SLC35F4: variants seen among roughly 807,000 people sequenced by gnomAD.
The protein encoded by SLC35F4 is solute carrier family 35 member F4.
A neutral mutation model predicts 44.2 loss-of-function variants in SLC35F4; 24 were observed. That is an observed-to-expected ratio of 0.54 (90% CI 0.39 to 0.76). The LOEUF (loss-of-function observed/expected upper bound fraction) is 0.76. Among genes scored for constraint, SLC35F4 ranks in the 30% least tolerant of loss-of-function variants. The pLI, the probability that SLC35F4 is intolerant of heterozygous loss-of-function variation, is 0.00. For missense variants in SLC35F4, 562 were observed against 586.1 expected, an observed-to-expected ratio of 0.96 and a Z score of 0.42; for synonymous variants, 238 against 223.6, an observed-to-expected ratio of 1.06 and a Z score of -0.57.
chr14:57,797,842 T>C (rs1018217296), intron 1 of SLC35F4, among the ~76,000 whole-genome samples: 2 of 152,106 alleles, frequency 1.3e-5, no homozygotes, highest in Non-Finnish European at 2.9e-5. Flanking sequence ...ATGGGGAAGG[T>C]ACTTCCCCAT....
chr14:57,911,109 A>G (rs1409461458), intron 1 of SLC35F4, among the ~76,000 whole-genome samples: 2 of 151,986 alleles, frequency 1.3e-5, no homozygotes, highest in African/African-American at 4.8e-5. Context: ...TAAATTTTGT[A>G]TGTTAACCTT....
At chr14:57,679,675 A>G (rs993992892) in intron 1 of SLC35F4, among the ~76,000 whole-genome samples, 5 of 152,106 alleles carry the variant, frequency 3.3e-5, no homozygotes, top group African/African-American at 7.3e-5. Context: ...GATGCAATAA[A>G]AAATGATAAA....
intron 1 of SLC35F4, among the ~76,000 whole-genome samples, chr14:57,632,677 A>G (rs2072840410): frequency 6.6e-6 from 1 of 152,074 alleles, no homozygotes; most frequent in African/African-American, 2.4e-5. Flanking sequence ...AGTTTACATT[A>G]GGGTTCACTC....
intron 1 of SLC35F4, among the ~76,000 whole-genome samples, chr14:57,695,096 G>A (rs2075343146): frequency 6.6e-6 from 1 of 152,072 alleles, no homozygotes; most frequent in Non-Finnish European, 1.5e-5. Context: ...ATACCATTCA[G>A]GACACAGGCA....
At chr14:57,757,764 C>T (rs1298898444) in intron 1 of SLC35F4, among the ~76,000 whole-genome samples, 1 of 152,066 alleles carries the variant, frequency 6.6e-6, no homozygotes, top group Non-Finnish European at 1.5e-5. Context: ...TAACAATTAT[C>T]TTTTAAAGAT....
intron 1 of SLC35F4, chr14:57,604,307 T>C (rs1423684152): frequency 6.6e-6 from 1 of 152,178 alleles, no homozygotes; most frequent in Non-Finnish European, 1.5e-5. Flanking sequence ...TAAGATTCAC[T>C]TTAGAACATT....
At chr14:57,616,486 C>T (rs1203303000) in intron 1 of SLC35F4, among the ~76,000 whole-genome samples, 1 of 152,166 alleles carries the variant, frequency 6.6e-6, no homozygotes, top group Non-Finnish European at 1.5e-5. Context: ...CAAGAGGATT[C>T]TTGCCCCCTC....
chr14:57,670,378 T>C (rs1353597762), intron 1 of SLC35F4, among the ~76,000 whole-genome samples: 1 of 152,140 alleles, frequency 6.6e-6, no homozygotes, highest in Non-Finnish European at 1.5e-5. Context: ...TGCTGGCTTG[T>C]GAATGTGTTT....
chr14:57,835,999 A>T (rs906381214), intron 1 of SLC35F4, among the ~76,000 whole-genome samples: 1 of 152,234 alleles, frequency 6.6e-6, no homozygotes, highest in African/African-American at 2.4e-5. Context: ...ATCAAGATGC[A>T]GGTTGTGAGA....
intron 1 of SLC35F4, among the ~76,000 whole-genome samples, chr14:57,745,559 G>A (rs1686343486): frequency 6.6e-6 from 1 of 152,152 alleles, no homozygotes. Context: ...AGTTAGAATG[G>A]CGATCATTAA....
At chr14:57,961,881 C>T (rs1313584005) in intron 1 of SLC35F4, among the ~76,000 whole-genome samples, 2 of 152,156 alleles carry the variant, frequency 1.3e-5, no homozygotes, top group Non-Finnish European at 2.9e-5. Context: ...TGGGTTTTCT[C>T]CCTAGCTCTT....
intron 1 of SLC35F4, among the ~76,000 whole-genome samples, chr14:57,831,229 T>C (rs1884341062): frequency 6.6e-6 from 1 of 152,218 alleles, no homozygotes; most frequent in East Asian, 1.9e-4. Flanking sequence ...CTCTAATATC[T>C]TTCTCTCCCT....
intron 1 of SLC35F4, among the ~76,000 whole-genome samples, chr14:57,820,827 G>A (rs1883098953): frequency 6.6e-6 from 1 of 152,084 alleles, no homozygotes; most frequent in African/African-American, 2.4e-5. Context: ...GGAGTAATAA[G>A]AATACCTGGC....
intron 1 of SLC35F4, among the ~76,000 whole-genome samples, chr14:57,763,901 T>C (rs1020679105): frequency 2.0e-5 from 3 of 152,210 alleles, no homozygotes; most frequent in Admixed American, 6.5e-5. Flanking sequence ...CAGCAGACTT[T>C]AGTGACTACT....
chr14:57,605,738 A>G (rs375431619), intron 1 of SLC35F4, among the ~76,000 whole-genome samples: 15 of 152,332 alleles, frequency 9.8e-5, no homozygotes, highest in African/African-American at 3.4e-4. Context: ...GGATTTAAAA[A>G]AAAAAAAGTG....
chr14:57,732,563 T>G (rs2076367495), intron 1 of SLC35F4, among the ~76,000 whole-genome samples: 1 of 152,146 alleles, frequency 6.6e-6, no homozygotes. Flanking sequence ...AACAACTCTT[T>G]GCAACCAGAA....
chr14:57,628,810 TA>T (rs1179141463), intron 1 of SLC35F4, among the ~76,000 whole-genome samples: 2 of 152,068 alleles, frequency 1.3e-5, no homozygotes, highest in East Asian at 1.9e-4. Context: ...AAAGCAACTT[TA>T]AAAAAAATTT....
At chr14:57,865,316 C>T (rs540851071) in intron 1 of SLC35F4, among the ~76,000 whole-genome samples, 24 of 152,154 alleles carry the variant, frequency 1.6e-4, no homozygotes, top group African/African-American at 5.5e-4. Context: ...GTCCCCAGCG[C>T]CCCGCACGCA....
chr14:57,628,839 A>G (rs1417369315), intron 1 of SLC35F4, among the ~76,000 whole-genome samples: 3 of 152,150 alleles, frequency 2.0e-5, no homozygotes, highest in Non-Finnish European at 4.4e-5. Context: ...TAGGGACTGA[A>G]AAATTTCCCT....
Sources: allele counts gnomAD v4.1 joint callset (sites outside exome capture counted in the v4.1 genomes callset), GRCh38; gene constraint gnomAD v4.1.1; transcripts MANE v1.5; gene names NCBI Gene and HGNC (gene_info 2026-07-23, HGNC 2026-07-21).